DNAH5: variants seen among roughly 807,000 people sequenced by gnomAD.
DNAH5 encodes the protein axonemal beta dynein heavy chain 5.
In DNAH5, 372 loss-of-function variants were observed where a neutral mutation model predicts 518.2. The ratio of observed to expected loss-of-function variants is 0.72; its 90% CI spans 0.66 to 0.78. The LOEUF (loss-of-function observed/expected upper bound fraction) is 0.78, where lower values mean the gene tolerates loss of function less well. Among genes scored for constraint, DNAH5 ranks in the 30% least tolerant of loss-of-function variants. DNAH5 has a pLI of 0.00. For synonymous variants in DNAH5, 2,039 were observed against 2,025.9 expected (o/e 1.01, Z -0.17); for missense variants, 5,523 against 5,687.0 (o/e 0.97, Z 0.93).
chr5:13,928,183 G>GA lies in DNAH5; in HGVS notation c.193-6dup. ...AAGTTGATCAATTCTTTCAATCTGG[G>GA]AAAAAGAAAAAGGCAAGATAATGAT... is the stretch of plus-strand genomic sequence containing the variant. On this transcript the variant is annotated splice_polypyrimidine_tract_variant and splice_region_variant and intron_variant, in intron 2 of 78. Transcript: ENST00000265104. The GA allele has an allele frequency of 6.2e-7, 1 of 1,602,786 alleles. No individual in the cohort carries two copies. Among genetic ancestry groups the GA allele is most frequent in the Non-Finnish European group, 8.5e-7 (1 of 1,170,796 alleles).
At chr5:13,875,040 C>T (rs1016069498) in intron 22 of DNAH5, among the ~76,000 whole-genome samples, 3 of 152,330 alleles carry the variant, frequency 2.0e-5, no homozygotes, top group African/African-American at 4.8e-5. Context: ...TATATTCTCC[C>T]AGAAACAATT....
chr5:14,011,235 A>G (rs2152092487), intron 1 of DNAH5, among the ~76,000 whole-genome samples: 1 of 152,296 alleles, frequency 6.6e-6, no homozygotes, highest in East Asian at 1.9e-4. Flanking sequence ...CGAACGACAG[A>G]CACAAAAGCG....
chr5:13,730,250 C>T (rs1746300362), intron 68 of DNAH5, among the ~76,000 whole-genome samples: 2 of 152,076 alleles, frequency 1.3e-5, no homozygotes, highest in Non-Finnish European at 2.9e-5. Context: ...AGCAATGTAA[C>T]AAAAATGACA....
chr5:13,767,824 T>C (rs1752717460), intron 58 of DNAH5, among the ~76,000 whole-genome samples: 1 of 152,170 alleles, frequency 6.6e-6, no homozygotes, highest in South Asian at 2.1e-4. Context: ...ATAGAACAGT[T>C]ATCTAACATC....
intron 38 of DNAH5, among the ~76,000 whole-genome samples, chr5:13,826,537 C>G (rs551006261): frequency 6.6e-6 from 1 of 152,236 alleles, no homozygotes; most frequent in Non-Finnish European, 1.5e-5. Context: ...TTATAAGGGG[C>G]TTTTCCCCCT....
chr5:13,866,387 G>GTTTC, intron 25 of DNAH5, 105 bp from the exon 26 acceptor site: 1 of 892,680 alleles, frequency 1.1e-6, no homozygotes, highest in African/African-American at 1.7e-5. Flanking sequence ...TGCATGATAG[G>GTTTC]AAACTTCATT....
chr5:13,869,340 C>A (rs902288417), intron 24 of DNAH5, among the ~76,000 whole-genome samples: 1 of 151,632 alleles, frequency 6.6e-6, no homozygotes, highest in Non-Finnish European at 1.5e-5. Context: ...TTTAATGCTA[C>A]AATTAAACTA....
intron 1 of DNAH5, among the ~76,000 whole-genome samples, chr5:13,988,265 C>T (rs1481533546): frequency 1.3e-5 from 2 of 152,138 alleles, no homozygotes; most frequent in East Asian, 3.9e-4. Flanking sequence ...ACTATACAAA[C>T]TTTGATGCCA....
chr5:13,745,812 C>A (rs1040592589), intron 65 of DNAH5, among the ~76,000 whole-genome samples: 1 of 151,998 alleles, frequency 6.6e-6, no homozygotes, highest in African/African-American at 2.4e-5. Flanking sequence ...ATCTTCCTAA[C>A]GTCAACAGCT....
In DNAH5 at chr5:13,754,286, G is replaced by A. The variant is rs760010021; in HGVS notation, c.10472C>T (p.Thr3491Met). The A allele has an allele frequency of 2.4e-5, 39 of 1,613,966 alleles. No individual in the cohort carries two copies. The highest frequency in any genetic ancestry group is 5.5e-5 in the South Asian group (5 of 91,082). ...TTCACCTGCCAAGCCACTGATGAGC[G>A]TGGAAGCTGTCTGCATCTTGTGTCT... ...RCRHKMQTAS[T>M]LISGLAGEKE... is the part of the protein sequence containing the mutation. The change falls in exon 62 of 79, where the codon ACG becomes ATG. Residue 3491 changes from threonine to methionine, a missense_variant. This residue lies in a region of DNAH5 where 5,121 missense variants were observed against 5,223.3 expected (regional missense o/e 0.98). Coordinates refer to ENST00000265104, the MANE Select transcript of DNAH5 (RefSeq NM_001369.3).
intron 59 of DNAH5, among the ~76,000 whole-genome samples, chr5:13,763,759 G>A (rs1310271250): frequency 6.6e-6 from 1 of 152,102 alleles, no homozygotes; most frequent in Non-Finnish European, 1.5e-5. Flanking sequence ...TTGAAAAATT[G>A]TAACCCCAAA....
intron 61 of DNAH5, among the ~76,000 whole-genome samples, chr5:13,755,292 A>G (rs1041879975): frequency 6.6e-6 from 1 of 152,184 alleles, no homozygotes; most frequent in Non-Finnish European, 1.5e-5. Flanking sequence ...ATGTCTAACA[A>G]TAGAGGATTA....
In DNAH5 at chr5:13,829,647, A is replaced by G. The variant is rs777013412; in HGVS notation, c.6307T>C (p.Ser2103Pro). 4.3e-6 allele frequency: 7 copies of G among 1,614,216 alleles called. No homozygotes were observed. In the South Asian group the frequency reaches 4.4e-5, roughly 10 times the overall value. The change falls in exon 38 of 79, where the codon TCA becomes CCA. Residue 2103 changes from serine to proline, a missense_variant. Physicochemically the swap from Ser to Pro is moderately conservative, Grantham distance 74. This residue lies in a region of DNAH5 where 5,121 missense variants were observed against 5,223.3 expected (regional missense o/e 0.98). Coordinates refer to ENST00000265104, the MANE Select transcript of DNAH5 (RefSeq NM_001369.3). ...CGGTCAGGCACCATCATGGCCACTG[A>G]GCGGAAATTAATCTTCAAGTTTTCA... Reference protein sequence around the residue: ...LPENLKINFRSVAMMVPDRQI... With the variant: ...LPENLKINFRPVAMMVPDRQI...
intron 1 of DNAH5, among the ~76,000 whole-genome samples, chr5:13,975,235 G>A (rs935237845): frequency 2.0e-5 from 3 of 152,192 alleles, no homozygotes; most frequent in Admixed American, 6.5e-5. Context: ...GAAAGAGAAT[G>A]AGAGCCAAGC....
rs1443639131 is a variant in DNAH5 at position 13,876,704 on chromosome 5, T to C, written c.3376A>G (p.Ile1126Val). 1 of 1,613,698 alleles carries C rather than the reference T, an allele frequency of 6.2e-7. No homozygotes were observed. The highest frequency in any genetic ancestry group is 8.5e-7 in the Non-Finnish European group (1 of 1,179,834). ...CATACCTTTTTGGTGGAGTTGATAA[T>C]TGTGCTAAGCACAGAAACTAATTTT... is the stretch of plus-strand genomic sequence containing the variant. ...IVKLVSVLST[I>V]INSTKKEVIT... The change falls in exon 22 of 79, where the codon ATT (isoleucine) becomes GTT (valine). Residue 1126 changes from isoleucine (I) to valine (V), a missense_variant. Ile to Val is a conservative substitution (Grantham distance 29). This residue lies in a region of DNAH5 where 5,121 missense variants were observed against 5,223.3 expected (regional missense o/e 0.98). Transcript: ENST00000265104.
rs778142255 is a variant in DNAH5 at position 13,788,728 on chromosome 5, G to A, written c.8635C>T (p.Pro2879Ser). The stretch of plus-strand genomic sequence containing the variant: ...TTCAATAGTTTACCTGCAGCTTCAG[G>A]TGCATCTCTCAAGAAATCCACAAAA... ...TYFVDFLRDA[P>S]EAAGETSEEA... The change falls in exon 51 of 79, where the codon CCT (proline) becomes TCT (serine). Residue 2879 changes from proline to serine, a missense_variant. Physicochemically the swap from Pro to Ser is moderately conservative, Grantham distance 74 (BLOSUM62 -1). This residue lies in a region of DNAH5 where 5,121 missense variants were observed against 5,223.3 expected (regional missense o/e 0.98). Transcript: ENST00000265104. 3.1e-6 allele frequency: 5 copies of A among 1,613,640 alleles called. No individual in the cohort carries two copies. In the Admixed American group the frequency reaches 6.7e-5, roughly 22 times the overall value.
intron 1 of DNAH5, among the ~76,000 whole-genome samples, chr5:13,958,544 T>C (rs1780935715): frequency 6.6e-6 from 1 of 152,186 alleles, no homozygotes; most frequent in Admixed American, 6.5e-5. Context: ...AAGGAATAGG[T>C]GCCTCAATAT....
intron 1 of DNAH5, among the ~76,000 whole-genome samples, chr5:13,980,995 C>T (rs1430596405): frequency 2.0e-5 from 3 of 152,208 alleles, no homozygotes; most frequent in Non-Finnish European, 2.9e-5. Flanking sequence ...GCTCCCTTAC[C>T]AGTGAGCCAA....
At chr5:13,942,014 G>A (rs1779502671) in intron 1 of DNAH5, among the ~76,000 whole-genome samples, 1 of 152,142 alleles carries the variant, frequency 6.6e-6, no homozygotes, top group Admixed American at 6.5e-5. Flanking sequence ...TGGAATTCAT[G>A]TCCGTCTTAC....
Sources: allele counts gnomAD v4.1 joint callset (sites outside exome capture counted in the v4.1 genomes callset), GRCh38; gene constraint gnomAD v4.1.1; regional missense constraint gnomAD v4.1.1; transcripts MANE v1.5; gene names NCBI Gene and HGNC (gene_info 2026-07-23, HGNC 2026-07-21).